COL24A1: variants seen among roughly 807,000 people sequenced by gnomAD.
The protein encoded by COL24A1 is collagen type XXIV alpha 1 chain, also known as collagen alpha-1(XXIV) chain.
In COL24A1, 224 loss-of-function variants were observed where a neutral mutation model predicts 253.9. The ratio of observed to expected loss-of-function variants is 0.88; its 90% CI spans 0.79 to 0.99. The LOEUF (loss-of-function observed/expected upper bound fraction) is 0.99. COL24A1 is among the 50% of genes least tolerant of loss of function. COL24A1 has a pLI of 0.00. For missense variants in COL24A1, 2,131 were observed against 2,068.5 expected (o/e 1.03, Z -0.59); for synonymous variants, 685 against 673.7 (o/e 1.02, Z -0.26).
intron 7 of COL24A1, among the ~76,000 whole-genome samples, chr1:86,088,212 A>G (rs1703212209): frequency 6.6e-6 from 1 of 152,176 alleles, no homozygotes; most frequent in South Asian, 2.1e-4. Flanking sequence ...ACCTGCCCAA[A>G]GTTGATGGAA....
chr1:85,995,686 G>A (rs1409643687), intron 19 of COL24A1, among the ~76,000 whole-genome samples: 1 of 152,122 alleles, frequency 6.6e-6, no homozygotes, highest in Non-Finnish European at 1.5e-5. Flanking sequence ...TCATTGATAT[G>A]GTTTGGGTCT....
At chr1:85,881,598 C>CT (rs1196894997) in intron 32 of COL24A1, among the ~76,000 whole-genome samples, 1 of 152,022 alleles carries the variant, frequency 6.6e-6, no homozygotes. Context: ...GCATTCCAGC[C>CT]TGGGTGACAG....
At position 85,838,606 on chromosome 1, in the gene COL24A1, C is replaced by T; in HGVS notation, c.3660G>A (p.Glu1220=). ...GPVGDQGERG[E]PGAEGYKGHV... ...TTACCTTATATCCCTCTGCTCCAGGCTCTCCTCTCTCTCCTTGGTCCCCCA... is the reference window on the plus strand; with the variant it reads ...TTACCTTATATCCCTCTGCTCCAGGTTCTCCTCTCTCTCCTTGGTCCCCCA... The change falls in exon 43 of 60, where the codon GAG becomes GAA. Residue 1220 remains glutamate, a synonymous_variant. Coordinates refer to ENST00000370571, the MANE Select transcript of COL24A1 (RefSeq NM_152890.7). 6.2e-7 allele frequency: 1 copy of T among 1,613,858 alleles called. No homozygotes were observed. The highest frequency in any genetic ancestry group is 8.5e-7 in the Non-Finnish European group (1 of 1,179,786).
At chr1:85,924,785 C>T (rs1250091293) in intron 24 of COL24A1, among the ~76,000 whole-genome samples, 3 of 152,174 alleles carry the variant, frequency 2.0e-5, no homozygotes, top group Non-Finnish European at 2.9e-5. Flanking sequence ...CCTCTCTCAC[C>T]ACTCTTATTC....
rs1392495396 is a variant in COL24A1, at chr1:85,868,920, G to A, written c.3139-85C>T. ...TTATTTTTAGCCCATAGTATATATGGAAAATAGCAAATTTGTGTTCACTTA... is the reference window on the plus strand; with the variant it reads ...TTATTTTTAGCCCATAGTATATATGAAAAATAGCAAATTTGTGTTCACTTA... On this transcript the variant is annotated intron_variant, in intron 35 of 59. Transcript: ENST00000370571. 12 of 873,998 alleles carry A rather than the reference G, an allele frequency of 1.4e-5. No homozygotes were observed. In the South Asian group the frequency reaches 1.5e-4, roughly 11 times the overall value. The allele number at this position is 873,998 out of a possible 1,614,324, so 54.1% of individuals were successfully genotyped here.
intron 37 of COL24A1, among the ~76,000 whole-genome samples, chr1:85,863,607 A>T (rs1679421760): frequency 6.6e-6 from 1 of 152,256 alleles, no homozygotes; most frequent in African/African-American, 2.4e-5. Context: ...CATCAGAGTG[A>T]ACAGGCAACC....
chr1:85,945,711 G>A (rs1186446401), intron 24 of COL24A1, among the ~76,000 whole-genome samples: 1 of 150,354 alleles, frequency 6.7e-6, no homozygotes, highest in African/African-American at 2.5e-5. Context: ...TTTTAAGAGT[G>A]AGATGAAGGG....
intron 24 of COL24A1, among the ~76,000 whole-genome samples, chr1:85,914,456 T>C (rs1685681639): frequency 6.6e-6 from 1 of 151,516 alleles, no homozygotes; most frequent in Non-Finnish European, 1.5e-5. Context: ...AATGGCGCGA[T>C]CCTGGCTCAC....
At chr1:86,070,338 A>C (rs1427969715) in intron 7 of COL24A1, among the ~76,000 whole-genome samples, 5 of 152,206 alleles carry the variant, frequency 3.3e-5, no homozygotes, top group Non-Finnish European at 5.9e-5. Context: ...CAAGATGGAA[A>C]ACAGCCTCAA....
At chr1:85,878,467 C>T (rs2389988) in intron 32 of COL24A1, among the ~76,000 whole-genome samples, 5,590 of 152,254 alleles carry the variant, frequency 0.037, 346 homozygotes, top group African/African-American at 0.12. Context: ...GAAACACGGT[C>T]CAATTATAGC....
chr1:85,987,647 G>T lies in COL24A1; in HGVS notation c.2318C>A (p.Pro773Gln). The T allele has an allele frequency of 6.2e-7, 1 of 1,609,010 alleles. No homozygotes were observed. The highest frequency in any genetic ancestry group is 8.5e-7 in the Non-Finnish European group (1 of 1,177,198). ...PSGPPGPEGF[P>Q]GDIGIPGQNG... ...TTGTCCAGGAATCCCAATATCTCCTGGAAAACCCTAGGGAATATAAAAATG... is the reference window on the plus strand; with the variant it reads ...TTGTCCAGGAATCCCAATATCTCCTTGAAAACCCTAGGGAATATAAAAATG... The change falls in exon 20 of 60, where the codon CCA becomes CAA. Residue 773 changes from proline to glutamine, a missense_variant. Pro to Gln is a moderately conservative substitution (Grantham distance 76). Transcript: ENST00000370571.
intron 18 of COL24A1, among the ~76,000 whole-genome samples, chr1:86,019,546 A>G (rs1697302340): frequency 6.8e-6 from 1 of 147,614 alleles, no homozygotes; most frequent in African/African-American, 2.5e-5. Context: ...CAACAGAGGG[A>G]GGCCCTGTCT....
At chr1:85,865,885 G>T (rs1322750975) in intron 37 of COL24A1, among the ~76,000 whole-genome samples, 1 of 152,092 alleles carries the variant, frequency 6.6e-6, no homozygotes, top group Non-Finnish European at 1.5e-5. Context: ...TAACAAAGAT[G>T]AAAATTATTA....
intron 47 of COL24A1, among the ~76,000 whole-genome samples, chr1:85,815,642 G>A (rs1489052516): frequency 2.0e-5 from 3 of 151,754 alleles, no homozygotes; most frequent in African/African-American, 7.3e-5. Flanking sequence ...TAGTGAAAAA[G>A]AATATTAATT....
At chr1:85,849,319 A>C in intron 38 of COL24A1, 34 bp downstream of exon 38, 1 of 1,593,120 alleles carries the variant, frequency 6.3e-7, no homozygotes, top group Non-Finnish European at 8.6e-7. Flanking sequence ...CATCAGAAGA[A>C]AGAAAACCTG....
At chr1:86,047,112 C>G (rs546050776) in intron 11 of COL24A1, among the ~76,000 whole-genome samples, 1 of 152,158 alleles carries the variant, frequency 6.6e-6, no homozygotes, top group Non-Finnish European at 1.5e-5. Context: ...CAAATGGGAT[C>G]TTGACATTTC....
chr1:86,047,366 C>T (rs1420009573), intron 11 of COL24A1, among the ~76,000 whole-genome samples: 1 of 152,090 alleles, frequency 6.6e-6, no homozygotes, highest in African/African-American at 2.4e-5. Flanking sequence ...AATCTACAGC[C>T]CACCTAACCT....
intron 7 of COL24A1, among the ~76,000 whole-genome samples, chr1:86,068,017 C>T (rs1701616143): frequency 6.6e-6 from 1 of 152,158 alleles, no homozygotes; most frequent in Non-Finnish European, 1.5e-5. Flanking sequence ...AAACACATTA[C>T]AATGAATTAC....
At chr1:86,104,857 T>A (rs6665315) in intron 5 of COL24A1, among the ~76,000 whole-genome samples, 52,975 of 152,090 alleles carry the variant, frequency 0.35, 10,525 homozygotes, top group Non-Finnish European at 0.44. Context: ...TGTTTGCACA[T>A]GCCAGCAGCA....
Sources: allele counts gnomAD v4.1 joint callset (sites outside exome capture counted in the v4.1 genomes callset), GRCh38; gene constraint gnomAD v4.1.1; transcripts MANE v1.5; gene names NCBI Gene and HGNC (gene_info 2026-07-23, HGNC 2026-07-21).